The following MYOZ2 variants were observed in gnomAD, a reference collection of about 807,000 sequenced individuals.
MYOZ2 encodes myozenin-2.
A neutral mutation model predicts 25.4 loss-of-function variants in MYOZ2; 19 were observed. The ratio of observed to expected loss-of-function variants is 0.75; its 90% CI spans 0.52 to 1.10. The LOEUF (loss-of-function observed/expected upper bound fraction) is 1.10. Ranked by LOEUF, MYOZ2 falls within the 50% of genes least tolerant of loss-of-function variation. MYOZ2 has a pLI of 0.00. For synonymous variants in MYOZ2, 92 were observed against 106.9 expected (o/e 0.86, Z 0.86); for missense variants, 270 against 317.9 (o/e 0.85, Z 1.15).
chr4:119,169,653 A>G (rs985492479), intron 5 of MYOZ2, among the ~76,000 whole-genome samples: 2 of 152,230 alleles, frequency 1.3e-5, no homozygotes, highest in African/African-American at 4.8e-5. Flanking sequence ...CTAAAAGGCT[A>G]AAAAGCTGAG....
At chr4:119,179,098 C>A (rs1158645840) in intron 5 of MYOZ2, among the ~76,000 whole-genome samples, 1 of 152,162 alleles carries the variant, frequency 6.6e-6, no homozygotes, top group Non-Finnish European at 1.5e-5. Context: ...CAACTAAAAA[C>A]TTTGTAACTG....
At chr4:119,169,456 C>G (rs1741901986) in intron 5 of MYOZ2, among the ~76,000 whole-genome samples, 1 of 152,144 alleles carries the variant, frequency 6.6e-6, no homozygotes, top group African/African-American at 2.4e-5. Flanking sequence ...TACTTTATAT[C>G]AGAACAACTT....
chr4:119,161,498 TCA>T (rs749400202), intron 4 of MYOZ2, among the ~76,000 whole-genome samples: 24 of 152,130 alleles, frequency 1.6e-4, no homozygotes, highest in Non-Finnish European at 1.8e-4. Flanking sequence ...TATCTAAATT[TCA>T]GTTATATTAA....
rs1015183079 is a variant in MYOZ2 at position 119,150,565 on chromosome 4, T to C, written c.77-307T>C. Reference sequence around the variant, plus strand: ...AGCCATGCTATTTGCAAGCTCATTCTATATGGAAAGACTAAATTGTACTAG... The same window carrying C: ...AGCCATGCTATTTGCAAGCTCATTCCATATGGAAAGACTAAATTGTACTAG... On this transcript the variant is annotated intron_variant, in intron 2 of 5. Coordinates refer to ENST00000307128, the MANE Select transcript of MYOZ2 (RefSeq NM_016599.5). Among the ~76,000 whole-genome samples, 16 of 144,092 alleles carry C rather than the reference T, an allele frequency of 1.1e-4. No homozygotes were observed. The South Asian group carries it at 1.1e-3, about 10-fold the overall frequency. 94.5% of individuals were successfully genotyped at this position (144,092 alleles called of 152,430 possible).
intron 4 of MYOZ2, among the ~76,000 whole-genome samples, chr4:119,162,335 C>T (rs1308536580): frequency 1.3e-5 from 2 of 152,070 alleles, no homozygotes; most frequent in Non-Finnish European, 2.9e-5. Context: ...TGAGTGGTTG[C>T]GATTTTGTCC....
rs1742303310 is a variant in MYOZ2 at position 119,186,880 on chromosome 4, T to G, written c.*680T>G. 6.6e-6 allele frequency: 1 copy of G among 152,278 alleles called. No individual in the cohort carries two copies. Among genetic ancestry groups the G allele is most frequent in the Non-Finnish European group, 1.5e-5 (1 of 68,110 alleles). 9.4% of individuals were successfully genotyped at this position (152,278 alleles called of 1,614,324 possible). A position where few individuals can be genotyped will look rare whatever the true frequency, so the allele number is the denominator to read the frequency against. On this transcript the variant is annotated 3_prime_UTR_variant, in exon 6 of 6. Transcript: ENST00000307128. The stretch of plus-strand genomic sequence containing the variant: ...CAAGGGACGTCATAGTACCATAGTT[T>G]TAAGGACCAAGGTGTGCCCAGAATT...
At chr4:119,140,916 TAAAG>T (rs1435576585) in intron 2 of MYOZ2, among the ~76,000 whole-genome samples, 1 of 152,040 alleles carries the variant, frequency 6.6e-6, no homozygotes, top group Non-Finnish European at 1.5e-5. Context: ...AATAAGAAAA[TAAAG>T]AATCACAGAT....
At chr4:119,146,254 C>T (rs879483854) in intron 2 of MYOZ2, among the ~76,000 whole-genome samples, 5 of 150,888 alleles carry the variant, frequency 3.3e-5, no homozygotes, top group Non-Finnish European at 7.4e-5. Flanking sequence ...CTATTTCTTT[C>T]GTTCTGCTTG....
chr4:119,166,631 T>C (rs953037260), intron 5 of MYOZ2, among the ~76,000 whole-genome samples: 5 of 152,218 alleles, frequency 3.3e-5, no homozygotes, highest in Admixed American at 3.3e-4. Context: ...CCTCGTTTTA[T>C]TGCACTTCAC....
At chr4:119,140,000 C>A (rs1741127466) in intron 2 of MYOZ2, among the ~76,000 whole-genome samples, 1 of 152,068 alleles carries the variant, frequency 6.6e-6, no homozygotes, top group South Asian at 2.1e-4. Context: ...ACAGGAAGCC[C>A]AGGTTCTAAA....
chr4:119,148,347 G>C (rs549297873), intron 2 of MYOZ2, among the ~76,000 whole-genome samples: 6 of 152,124 alleles, frequency 3.9e-5, no homozygotes, highest in Non-Finnish European at 8.8e-5. Context: ...ATTATGTTTA[G>C]GGTTCTCTTA....
rs368923813 is a variant in MYOZ2, at chr4:119,169,196, T to C, written c.560+4802T>C. On this transcript the variant is annotated intron_variant, in intron 5 of 5. Transcript: ENST00000307128. ...GTATGTACTTTGTTTTTCAGACATATTGTTCTTAAGGACACAATGCTATAG... is the reference window on the plus strand; with the variant it reads ...GTATGTACTTTGTTTTTCAGACATACTGTTCTTAAGGACACAATGCTATAG... Among the ~76,000 whole-genome samples, 3 of 152,216 alleles carry C rather than the reference T, an allele frequency of 2.0e-5. No individual in the cohort carries two copies. The East Asian group carries it at 5.8e-4, about 29-fold the overall frequency.
chr4:119,157,904 A>C, intron 3 of MYOZ2, 118 bp from the exon 4 acceptor site: 1 of 1,269,642 alleles, frequency 7.9e-7, no homozygotes, highest in Non-Finnish European at 1.1e-6. Flanking sequence ...CCCAGGAAGT[A>C]ATGAAGCGAC....
chr4:119,182,868 T>C (rs1306355599), intron 5 of MYOZ2, among the ~76,000 whole-genome samples: 1 of 152,184 alleles, frequency 6.6e-6, no homozygotes, highest in East Asian at 1.9e-4. Flanking sequence ...TGAAATTGAA[T>C]ATGACTTTCC....
chr4:119,168,558 T>C (rs533296700), intron 5 of MYOZ2, among the ~76,000 whole-genome samples: 2 of 152,250 alleles, frequency 1.3e-5, no homozygotes, highest in East Asian at 3.9e-4. Context: ...TGGTTAACTT[T>C]AAGGGGTTCA....
chr4:119,139,439 G>A (rs1741111154), intron 2 of MYOZ2, among the ~76,000 whole-genome samples: 1 of 152,178 alleles, frequency 6.6e-6, no homozygotes, highest in Non-Finnish European at 1.5e-5. Flanking sequence ...GATGGCCTCT[G>A]ATAGTCCCCA....
chr4:119,150,223 TAAAAC>T (rs1741415539), intron 2 of MYOZ2, among the ~76,000 whole-genome samples: 1 of 152,054 alleles, frequency 6.6e-6, no homozygotes, highest in South Asian at 2.1e-4. Flanking sequence ...ATAAAACAAA[TAAAAC>T]AAAATCAAAT....
intron 5 of MYOZ2, among the ~76,000 whole-genome samples, chr4:119,166,854 T>C (rs1217582384): frequency 3.3e-5 from 5 of 152,230 alleles, no homozygotes; most frequent in African/African-American, 1.2e-4. Flanking sequence ...TGGGATGTCA[T>C]GAACCATGCC....
chr4:119,156,654 A>AAT (rs910276515), intron 3 of MYOZ2, among the ~76,000 whole-genome samples: 1 of 152,168 alleles, frequency 6.6e-6, no homozygotes, highest in African/African-American at 2.4e-5. Context: ...ATTCGTTGAA[A>AAT]ATATATATAT....
Sources: gnomAD v4.1 joint callset for allele counts (sites outside exome capture counted in the v4.1 genomes callset) on GRCh38, gnomAD v4.1.1 for gene constraint, MANE v1.5 for transcripts, NCBI Gene and HGNC (gene_info 2026-07-23, HGNC 2026-07-21) for gene names.